The following ZNF608 variants were observed in gnomAD, a reference collection of about 807,000 sequenced individuals.
ZNF608 encodes the protein zinc finger protein 608.
Under a neutral mutation model 109.0 loss-of-function variants are expected in ZNF608, and 12 were observed. The ratio of observed to expected loss-of-function variants is 0.11; its 90% CI spans 0.07 to 0.18. The LOEUF is 0.18. Among genes scored for constraint, ZNF608 ranks in the 10% least tolerant of loss-of-function variants. The probability of loss-of-function intolerance (pLI) is 1.00; values close to 1 mark genes in which losing one functional copy is unlikely to be tolerated. For synonymous variants in ZNF608, 732 were observed against 717.4 expected (o/e 1.02, Z -0.33); for missense variants, 1,707 against 1,879.3 (o/e 0.91, Z 1.70).
At chr5:124,733,463 G>T (rs182293963) in intron 2 of ZNF608, among the ~76,000 whole-genome samples, 1 of 152,072 alleles carries the variant, frequency 6.6e-6, no homozygotes, top group Non-Finnish European at 1.5e-5. Context: ...AAGCACCCTG[G>T]GGGCTTTCAA....
At chr5:124,660,666 G>T (rs535243352) in intron 3 of ZNF608, among the ~76,000 whole-genome samples, 1 of 152,216 alleles carries the variant, frequency 6.6e-6, no homozygotes, top group East Asian at 1.9e-4. Context: ...AAACCTACCT[G>T]AGCCTCAGTT....
intron 3 of ZNF608, among the ~76,000 whole-genome samples, chr5:124,654,824 G>T (rs1346554655): frequency 6.6e-6 from 1 of 152,212 alleles, no homozygotes; most frequent in Non-Finnish European, 1.5e-5. Context: ...CAGGATAAAG[G>T]TGGCAGAGTC....
intron 7 of ZNF608, among the ~76,000 whole-genome samples, chr5:124,642,293 GT>G (rs1398599725): frequency 5.9e-5 from 9 of 152,168 alleles, no homozygotes; most frequent in African/African-American, 2.2e-4. Context: ...CACAGACATT[GT>G]ATTACTTCAG....
chr5:124,685,907 T>C (rs1752393616), intron 3 of ZNF608, among the ~76,000 whole-genome samples: 1 of 152,216 alleles, frequency 6.6e-6, no homozygotes, highest in Admixed American at 6.5e-5. Flanking sequence ...TAGATGGTGA[T>C]GCTAAATCAC....
At chr5:124,712,844 TA>T (rs903437183) in intron 2 of ZNF608, among the ~76,000 whole-genome samples, 1 of 152,204 alleles carries the variant, frequency 6.6e-6, no homozygotes, top group Admixed American at 6.5e-5. Flanking sequence ...TGTTTCAATT[TA>T]GGTGAAAAAA....
rs1158474590 is a variant in ZNF608 at position 124,646,986 on chromosome 5, A to C, written c.3398T>G (p.Leu1133Arg). The change falls in exon 5 of 10, where the codon CTC becomes CGC. Residue 1133 changes from leucine (L) to arginine (R), a missense_variant. Transcript: ENST00000513986. The part of the protein sequence containing the change: ...GRGDCERKSE[L>R]PLKELGKEET... ...CTCCTTGCCCAGCTCTTTCAAGGGG[A>C]GCTCACTTTTCCTTTCACAGTCTCC... 1.2e-6 allele frequency: 2 copies of C among 1,613,716 alleles called. No homozygotes were observed. The highest frequency in any genetic ancestry group is 2.7e-5 in the African/African-American group (2 of 74,780).
chr5:124,644,664 G>T lies in ZNF608; in HGVS notation c.3706-3C>A. 2.0e-6 allele frequency: 3 copies of T among 1,522,582 alleles called. No homozygotes were observed. The highest frequency in any genetic ancestry group is 1.3e-5 in the South Asian group (1 of 75,114). 94.3% of individuals were successfully genotyped at this position (1,522,582 alleles called of 1,614,324 possible). A position where few individuals can be genotyped will look rare whatever the true frequency, so the allele number is the denominator to read the frequency against. Reference sequence around the variant, plus strand: ...TGCCATGTTCTTGAATCTGGGTCCTGATTTTTTTGTTTTAAAGAAAAAAAA... The same window carrying T: ...TGCCATGTTCTTGAATCTGGGTCCTTATTTTTTTGTTTTAAAGAAAAAAAA... On this transcript the variant is annotated splice_polypyrimidine_tract_variant and splice_region_variant and intron_variant, in intron 5 of 9. Transcript: ENST00000513986.
rs371728210 is a variant in ZNF608 at position 124,649,039 on chromosome 5, C to T, written c.1345G>A (p.Ala449Thr). ...RSAAAAPGSE[A>T]SFTESRGLQN... ...AGCCCTCTGGACTCTGTGAAGCTGGCCTCGGAGCCCGGGGCAGCAGCAGCA... is the reference window on the plus strand; with the variant it reads ...AGCCCTCTGGACTCTGTGAAGCTGGTCTCGGAGCCCGGGGCAGCAGCAGCA... Residue 449 changes from alanine to threonine, a missense_variant, in exon 5 of 10, where the codon GCC becomes ACC. Ala to Thr is a moderately conservative substitution (Grantham distance 58). Around this residue, in one of 7 missense-constraint regions of ZNF608, gnomAD observed 166 missense variants for 204.2 expected, o/e 0.81. Coordinates refer to ENST00000513986, the MANE Select transcript of ZNF608 (RefSeq NM_020747.3). The T allele has an allele frequency of 6.2e-7, 1 of 1,614,138 alleles. No individual in the cohort carries two copies. The highest frequency in any genetic ancestry group is 8.5e-7 in the Non-Finnish European group (1 of 1,180,004).
intron 3 of ZNF608, among the ~76,000 whole-genome samples, chr5:124,693,336 T>G (rs1390353799): frequency 6.6e-6 from 1 of 152,226 alleles, no homozygotes; most frequent in African/African-American, 2.4e-5. Context: ...ACTCAAGATT[T>G]TCTTACTAAT....
intron 3 of ZNF608, among the ~76,000 whole-genome samples, chr5:124,674,412 G>A (rs12515115): frequency 0.033 from 5,098 of 152,224 alleles, 170 homozygotes; most frequent in East Asian, 0.14. Context: ...ATTCCAGTGG[G>A]CAGCCACATT....
At chr5:124,698,575 G>A (rs915200536) in intron 3 of ZNF608, among the ~76,000 whole-genome samples, 1 of 152,228 alleles carries the variant, frequency 6.6e-6, no homozygotes, top group African/African-American at 2.4e-5. Context: ...GATATTCACA[G>A]AAATGGATGG....
intron 3 of ZNF608, among the ~76,000 whole-genome samples, chr5:124,669,152 C>T (rs1751608288): frequency 6.6e-6 from 1 of 152,122 alleles, no homozygotes; most frequent in Non-Finnish European, 1.5e-5. Flanking sequence ...CCATAGACTT[C>T]CTGGGATAGC....
chr5:124,734,324 G>A (rs1199347911), intron 2 of ZNF608, among the ~76,000 whole-genome samples: 1 of 152,134 alleles, frequency 6.6e-6, no homozygotes, highest in Non-Finnish European at 1.5e-5. Context: ...TAAAATGGTT[G>A]TCTTAACTTG....
At chr5:124,714,685 C>T (rs1753626251) in intron 2 of ZNF608, among the ~76,000 whole-genome samples, 1 of 152,184 alleles carries the variant, frequency 6.6e-6, no homozygotes, top group Admixed American at 6.5e-5. Flanking sequence ...CGTAGTATCT[C>T]TATCATATAA....
At position 124,690,757 on chromosome 5, in the gene ZNF608, G is replaced by T. The variant is rs568280630; in HGVS notation, c.1162+10257C>A. On this transcript the variant is annotated intron_variant, in intron 3 of 9. Coordinates refer to ENST00000513986, the MANE Select transcript of ZNF608 (RefSeq NM_020747.3). ...AGACACTAAGACAAAGGCAACAAAA[G>T]CAAAAATCGCCAAGTAACTAACAAG... 5.3e-5 allele frequency among the ~76,000 whole-genome samples: 8 copies of T among 151,534 alleles called. No homozygotes were observed. The East Asian group carries it at 1.4e-3, about 26-fold the overall frequency.
intron 3 of ZNF608, among the ~76,000 whole-genome samples, chr5:124,677,191 A>G (rs1751981374): frequency 1.3e-5 from 2 of 152,226 alleles, no homozygotes; most frequent in Non-Finnish European, 2.9e-5. Context: ...TTGTCTATAA[A>G]TTCCTTTTCT....
intron 3 of ZNF608, among the ~76,000 whole-genome samples, chr5:124,657,906 A>G (rs1221596117): frequency 1.3e-5 from 2 of 152,226 alleles, no homozygotes; most frequent in Non-Finnish European, 2.9e-5. Flanking sequence ...AGGAATTTTG[A>G]TCAGTAACAA....
intron 7 of ZNF608, among the ~76,000 whole-genome samples, 164 bp from the exon 8 acceptor site, chr5:124,641,569 A>C (rs1426321998): frequency 6.6e-6 from 1 of 152,202 alleles, no homozygotes; most frequent in Non-Finnish European, 1.5e-5. Context: ...AACATGCATT[A>C]GTTTCAGTTG....
intron 2 of ZNF608, among the ~76,000 whole-genome samples, chr5:124,712,738 T>G (rs1753547190): frequency 6.6e-6 from 1 of 152,142 alleles, no homozygotes; most frequent in Admixed American, 6.5e-5. Flanking sequence ...GCGGCTGGCT[T>G]TTTAAAACCT....
Sources: gnomAD v4.1 joint callset for allele counts (sites outside exome capture counted in the v4.1 genomes callset) on GRCh38, gnomAD v4.1.1 for gene constraint, gnomAD v4.1.1 regional missense constraint, MANE v1.5 for transcripts, NCBI Gene and HGNC (gene_info 2026-07-23, HGNC 2026-07-21) for gene names.